The following CROCC2 variants were observed in gnomAD, a reference collection of about 807,000 sequenced individuals.
CROCC2 encodes the protein ciliary rootlet coiled-coil protein 2.
CROCC2 carries 163 observed loss-of-function variants against 177.6 expected under a neutral mutation model. That is an observed-to-expected ratio of 0.92 (90% CI 0.81 to 1.05). CROCC2 has a LOEUF of 1.05. Ranked by LOEUF, CROCC2 falls within the 50% of genes least tolerant of loss-of-function variation. The pLI is 0.00. For synonymous variants in CROCC2, 904 were observed against 787.3 expected (o/e 1.15, Z -2.48); for missense variants, 1,929 against 1,797.8 (o/e 1.07, Z -1.32).
chr2:240,948,991 C>G lies in CROCC2; in HGVS notation c.2376C>G (p.Asp792Glu). Residue 792 changes from aspartate to glutamate, a missense_variant, in exon 16 of 32, where the codon GAC becomes GAG. Physicochemically the swap from Asp to Glu is conservative, Grantham distance 45. Transcript: ENST00000690015. ...TGCATCTTTGCAGGGTGGAGAGGGA[C>G]TCCCTGGAGAGCAGCCTCCTTGAGG... Reference protein sequence around the residue: ...EEAADLRVERDSLESSLLEAQ... With the variant: ...EEAADLRVERESLESSLLEAQ... The G allele has an allele frequency of 6.5e-7, 1 of 1,550,384 alleles. No homozygotes were observed. The highest frequency in any genetic ancestry group is 8.7e-7 in the Non-Finnish European group (1 of 1,146,940).
At chr2:240,963,450 C>A in intron 20 of CROCC2, 106 bp from the exon 21 acceptor site, 3 of 1,213,316 alleles carry the variant, frequency 2.5e-6, no homozygotes, top group South Asian at 1.6e-5. Flanking sequence ...CCAAGTTGGG[C>A]AGGGCACCTG....
chr2:240,935,454 C>G lies in CROCC2; in HGVS notation c.2035C>G (p.Leu679Val), dbSNP rs528644444. The change falls in exon 14 of 32, where the codon CTG (leucine) becomes GTG (valine). Residue 679 changes from leucine (L) to valine (V), a missense_variant. By Grantham distance (32) the Leu-to-Val change is conservative (BLOSUM62 1). Transcript: ENST00000690015. Reference protein sequence around the residue: ...GEQLAQAEQQLALERAERRGL... With the variant: ...GEQLAQAEQQVALERAERRGL... The stretch of plus-strand genomic sequence containing the variant: ...GCAGCTGGCACAGGCGGAGCAGCAG[C>G]TGGCGCTGGAGCGGGCAGAGCGCAG... 1.3e-5 allele frequency: 18 copies of G among 1,367,744 alleles called. No homozygotes were observed. In the African/African-American group the frequency reaches 1.7e-4, roughly 13 times the overall value. 84.7% of individuals were successfully genotyped at this position (1,367,744 alleles called of 1,614,324 possible). A position where few individuals can be genotyped will look rare whatever the true frequency, so the allele number is the denominator to read the frequency against.
intron 1 of CROCC2, among the ~76,000 whole-genome samples, chr2:240,912,191 ATG>A (rs1206802241): frequency 3.4e-4 from 52 of 152,088 alleles, no homozygotes; most frequent in Non-Finnish European, 1.9e-4. Flanking sequence ...TTAACACCAA[ATG>A]TGTGGGTTTT....
intron 27 of CROCC2, among the ~76,000 whole-genome samples, chr2:240,975,048 C>T (rs1423099263): frequency 6.6e-6 from 1 of 151,876 alleles, no homozygotes; most frequent in African/African-American, 2.4e-5. Flanking sequence ...TGGTCGTTTG[C>T]TTTTTTGGTT....
intron 14 of CROCC2, among the ~76,000 whole-genome samples, 161 bp downstream of exon 14, chr2:240,935,749 G>A (rs936240154): frequency 1.3e-5 from 2 of 151,318 alleles, no homozygotes; most frequent in African/African-American, 4.9e-5. Context: ...CCGTGGGGGT[G>A]GGGGCAGGGG....
In CROCC2 at chr2:240,958,872, C is replaced by T. The variant is rs1464067422; in HGVS notation, c.2944-429C>T. Among the ~76,000 whole-genome samples, 2 of 152,126 alleles carry T rather than the reference C, an allele frequency of 1.3e-5. No individual in the cohort carries two copies. The highest frequency in any genetic ancestry group is 4.8e-5 in the African/African-American group (2 of 41,436). On this transcript the variant is annotated intron_variant, in intron 19 of 31. Coordinates refer to ENST00000690015, the MANE Select transcript of CROCC2 (RefSeq NM_001351305.2). This position sits in a 1 kb window ranked among gnomAD's most constrained non-coding sequence, Gnocchi z 6.7. ...GGGCTGAGCCTGGGGCCTCCTGGCC[C>T]GAGGATCCCTGCTGGCCACACTGCC...
At position 240,968,144 on chromosome 2, in the gene CROCC2, A is replaced by AG. The variant is rs2059696475; in HGVS notation, c.4286dup (p.Ala1430ArgfsTer49). ...TGCCCCACAGGCCAGCGCCGGGTGG[A>AG]GGGCGCGCTGAGCAGCGCCCGGGCA... On this transcript the variant is annotated frameshift_variant, in exon 27 of 32. Transcript: ENST00000690015. LOFTEE classifies it high-confidence loss of function. 1.3e-6 allele frequency: 2 copies of AG among 1,495,958 alleles called. No individual in the cohort carries two copies. The highest frequency in any genetic ancestry group is 1.8e-6 in the Non-Finnish European group (2 of 1,125,952). The allele number at this position is 1,495,958 out of a possible 1,614,324, so 92.7% of individuals were successfully genotyped here. A position where few individuals can be genotyped will look rare whatever the true frequency, so the allele number is the denominator to read the frequency against.
At chr2:240,933,095 G>A in intron 9 of CROCC2, 36 bp from the exon 10 acceptor site, 5 of 1,548,682 alleles carry the variant, frequency 3.2e-6, no homozygotes, top group Non-Finnish European at 4.4e-6. Flanking sequence ...AGCCTGCCTA[G>A]GCCAGAGAGG....
intron 1 of CROCC2, among the ~76,000 whole-genome samples, chr2:240,915,014 G>A (rs747104026): frequency 2.6e-5 from 4 of 152,232 alleles, no homozygotes; most frequent in Non-Finnish European, 4.4e-5. Context: ...TTTCGGTGCA[G>A]ACCTACAGTC....
rs533811998 is a variant in CROCC2, at chr2:240,970,020, G to A, written c.4401+1758G>A. Among the ~76,000 whole-genome samples the A allele has an allele frequency of 3.9e-5, 6 of 152,268 alleles. No homozygotes were observed. The East Asian group carries it at 9.6e-4, about 24-fold the overall frequency. ...GCTGGGATTACAGGTGTGAGCCACC[G>A]TGCCCAGTTCTGAAATACACCTTTT... On this transcript the variant is annotated intron_variant, in intron 27 of 31. Coordinates refer to ENST00000690015, the MANE Select transcript of CROCC2 (RefSeq NM_001351305.2).
At chr2:240,952,420 C>A (rs1192561768) in intron 18 of CROCC2, among the ~76,000 whole-genome samples, 1 of 151,942 alleles carries the variant, frequency 6.6e-6, no homozygotes, top group East Asian at 1.9e-4. Flanking sequence ...ATTCTTGCAA[C>A]ACTCTGAGGC....
Position 240,989,848 on chromosome 2 carries a change from C to T in CROCC2, c.4863+15C>T. 6.6e-7 allele frequency: 1 copy of T among 1,526,528 alleles called. No homozygotes were observed. Among genetic ancestry groups the T allele is most frequent in the Non-Finnish European group, 8.9e-7 (1 of 1,129,528 alleles). The allele number at this position is 1,526,528 out of a possible 1,614,324, so 94.6% of individuals were successfully genotyped here. A position where few individuals can be genotyped will look rare whatever the true frequency, so the allele number is the denominator to read the frequency against. On this transcript the variant is annotated intron_variant, in intron 30 of 31. Coordinates refer to ENST00000690015, the MANE Select transcript of CROCC2 (RefSeq NM_001351305.2). ...TGGAAGAGCAGGTAAGGTCGGGACC[C>T]CAGCCCCCTGGGTGAGGGAAGAGGC...
At chr2:240,984,474 A>G (rs1300540908) in intron 28 of CROCC2, among the ~76,000 whole-genome samples, 4 of 151,816 alleles carry the variant, frequency 2.6e-5, no homozygotes, top group African/African-American at 4.8e-5. Context: ...CCTGCTATGT[A>G]CAACACCCCC....
intron 1 of CROCC2, among the ~76,000 whole-genome samples, chr2:240,911,901 G>A (rs2059291201): frequency 6.6e-6 from 1 of 152,144 alleles, no homozygotes; most frequent in Admixed American, 6.6e-5. Context: ...CTGAATGGAC[G>A]CCTGGGTAGC....
At chr2:240,961,693 C>G (rs565609357) in intron 20 of CROCC2, among the ~76,000 whole-genome samples, 6 of 147,766 alleles carry the variant, frequency 4.1e-5, no homozygotes, top group African/African-American at 1.5e-4. Context: ...CACAGGCATA[C>G]GGACGTGCAC....
rs1259173955 is a variant in CROCC2, at chr2:240,955,968, C to T, written c.2939C>T (p.Ala980Val). 4 of 1,533,898 alleles carry T rather than the reference C, an allele frequency of 2.6e-6. No homozygotes were observed. Among genetic ancestry groups the T allele is most frequent in the East Asian group, 2.4e-5 (1 of 40,908 alleles). The stretch of plus-strand genomic sequence containing the variant: ...GAGGCACAGAGCCAGCAGGAGCAAG[C>T]GCAGGTGAGCCCCATGCAGCCAGGC... ...QQEAQSQQEQ[A>V]QATISATTEE... Residue 980 changes from alanine to valine, a missense_variant, in exon 19 of 32, where the codon GCG becomes GTG. Physicochemically the swap from Ala to Val is moderately conservative, Grantham distance 64. Transcript: ENST00000690015.
intron 31 of CROCC2, among the ~76,000 whole-genome samples, chr2:240,991,899 G>A (rs1400778443): frequency 2.6e-5 from 4 of 152,058 alleles, no homozygotes; most frequent in Admixed American, 1.3e-4. Context: ...ACATCCCCAC[G>A]CCCAGCGGCT....
At chr2:240,948,544 T>C (rs2059536087) in intron 15 of CROCC2, among the ~76,000 whole-genome samples, 1 of 152,228 alleles carries the variant, frequency 6.6e-6, no homozygotes, top group Non-Finnish European at 1.5e-5. Context: ...ACAGCAACAA[T>C]GAAACTTGCC....
At chr2:240,975,963 T>G (rs749827962) in intron 27 of CROCC2, among the ~76,000 whole-genome samples, 1 of 152,092 alleles carries the variant, frequency 6.6e-6, no homozygotes, top group East Asian at 1.9e-4. Flanking sequence ...ACTCCTGACC[T>G]CAGAAAATCT....
Sources: allele counts gnomAD v4.1 joint callset (sites outside exome capture counted in the v4.1 genomes callset), GRCh38; gene constraint gnomAD v4.1.1; non-coding constraint Gnocchi (gnomAD v3.1); transcripts MANE v1.5; gene names NCBI Gene and HGNC (gene_info 2026-07-23, HGNC 2026-07-21).